DOK1: variants seen among roughly 807,000 people sequenced by gnomAD.
DOK1 encodes the protein Downstream of tyrosine kinase 1.
In DOK1, 12 loss-of-function variants were observed where a neutral mutation model predicts 24.0. The observed-to-expected ratio is 0.50, with a 90% confidence interval of 0.32 to 0.81. The LOEUF is 0.81. Among genes scored for constraint, DOK1 ranks in the 30% least tolerant of loss-of-function variants. DOK1 has a pLI of 0.03. For synonymous variants in DOK1, 250 were observed against 260.9 expected (o/e 0.96, Z 0.40); for missense variants, 591 against 620.7 (o/e 0.95, Z 0.51).
At chr2:74,554,638 C>T (rs907128302), upstream of DOK1, 3 of 983,300 alleles carry the variant, frequency 3.1e-6, no homozygotes, top group Admixed American at 5.0e-5. The surrounding 1 kb of genome is among the most constrained non-coding windows in gnomAD (Gnocchi z 4.9). Flanking sequence ...GCGACCCCCC[C>T]AGCGGCTGCC....
Position 74,556,310 on chromosome 2 carries a change from C to A in DOK1, c.642C>A (p.Val214=). The change falls in exon 5 of 5, where the codon GTC becomes GTA. Residue 214 remains valine, a splice_region_variant and synonymous_variant. Transcript: ENST00000233668. This position sits in a 1 kb window ranked among gnomAD's most constrained non-coding sequence, Gnocchi z 4.1. The part of the protein sequence containing the change: ...TLLRRYGRDK[V]MFSFEAGRRC... ...GTTTCCCCCTCTACCCTCCTTAGGT[C>A]ATGTTCTCTTTCGAGGCCGGCCGCC... 1 of 1,612,052 alleles carries A rather than the reference C, an allele frequency of 6.2e-7. No homozygotes were observed. Among genetic ancestry groups the A allele is most frequent in the South Asian group, 1.1e-5 (1 of 90,950 alleles).
chr2:74,554,027 A>C (rs1677204936), upstream of DOK1: 1 of 146,066 alleles, frequency 6.8e-6, no homozygotes, highest in East Asian at 2.0e-4. This position sits in a 1 kb window ranked among gnomAD's most constrained non-coding sequence, Gnocchi z 4.9. Flanking sequence ...CATCCCCCTG[A>C]GCCCTCCCAC....
In DOK1 at chr2:74,556,450, G is replaced by A; in HGVS notation, c.782G>A (p.Gly261Glu). The A allele has an allele frequency of 6.2e-7, 1 of 1,614,184 alleles. No individual in the cohort carries two copies. The highest frequency in any genetic ancestry group is 8.5e-7 in the Non-Finnish European group (1 of 1,180,030). ...RQKAQGKAGQ[G>E]HDVLRADSHE... Reference sequence around the variant, plus strand: ...AAGGCCCAGGGAAAGGCCGGACAGGGGCACGATGTTCTCAGAGCTGACTCC... The same window carrying A: ...AAGGCCCAGGGAAAGGCCGGACAGGAGCACGATGTTCTCAGAGCTGACTCC... Residue 261 changes from glycine (G) to glutamate (E), a missense_variant, in exon 5 of 5, where the codon GGG becomes GAG. Coordinates refer to ENST00000233668, the MANE Select transcript of DOK1 (RefSeq NM_001381.5). The surrounding 1 kb of genome is among the most constrained non-coding windows in gnomAD (Gnocchi z 4.1).
At position 74,557,037 on chromosome 2, in the gene DOK1, G is replaced by A. The variant is rs1677530028; in HGVS notation, c.1369G>A (p.Ala457Thr). 1 of 1,614,224 alleles carries A rather than the reference G, an allele frequency of 6.2e-7. No individual in the cohort carries two copies. Among genetic ancestry groups the A allele is most frequent in the Non-Finnish European group, 8.5e-7 (1 of 1,180,044 alleles). Residue 457 changes from alanine (A) to threonine (T), a missense_variant, in exon 5 of 5, where the codon GCC becomes ACC. Ala to Thr is a moderately conservative substitution (Grantham distance 58). Transcript: ENST00000233668. ...GTACAGCCAGGTCCAGAAGAGCGGG[G>A]CCTCAGGGAGCTGGGACTGTGGGCT... ...ALYSQVQKSG[A>T]SGSWDCGLSR...
At chr2:74,551,491 T>C (rs1677007272), upstream of DOK1, among the ~76,000 whole-genome samples, 1 of 152,232 alleles carries the variant, frequency 6.6e-6, no homozygotes, top group Non-Finnish European at 1.5e-5. Flanking sequence ...CGACTGTCCT[T>C]CCCATATTTA....
upstream of DOK1, chr2:74,552,509 A>G (rs1416439358): frequency 1.9e-6 from 3 of 1,613,544 alleles, no homozygotes; most frequent in Admixed American, 3.3e-5. Context: ...GCCGGAACCG[A>G]AGCCCCTGGC....
Position 74,554,761 on chromosome 2 carries a change from G to C in DOK1, c.7G>C (p.Gly3Arg), listed in dbSNP as rs368294305. The C allele has an allele frequency of 5.0e-5, 81 of 1,613,288 alleles. No individual in the cohort carries two copies. The highest frequency in any genetic ancestry group is 3.4e-4 in the Middle Eastern group (2 of 5,802). Residue 3 changes from glycine to arginine, a missense_variant, in exon 1 of 5, where the codon GGA becomes CGA. Coordinates refer to ENST00000233668, the MANE Select transcript of DOK1 (RefSeq NM_001381.5). The surrounding 1 kb of genome is among the most constrained non-coding windows in gnomAD (Gnocchi z 4.9). Reference sequence around the variant, plus strand: ...GAAGGAACCGCCGGGGGCCATGGACGGAGCAGTGATGGAAGGGCCGCTTTT... The same window carrying C: ...GAAGGAACCGCCGGGGGCCATGGACCGAGCAGTGATGGAAGGGCCGCTTTT... MD[G>R]AVMEGPLFLQ...
chr2:74,552,942 A>G, upstream of DOK1: 2 of 344,840 alleles, frequency 5.8e-6, no homozygotes, highest in Non-Finnish European at 1.1e-5. Flanking sequence ...TGAGCAAGAG[A>G]CACGTAGAGA....
upstream of DOK1, chr2:74,549,753 C>A: frequency 3.5e-6 from 5 of 1,435,372 alleles, no homozygotes; most frequent in Non-Finnish European, 3.7e-6. This position sits in a 1 kb window ranked among gnomAD's most constrained non-coding sequence, Gnocchi z 5.3. Flanking sequence ...TGTGGACTCT[C>A]TTGCAGCCAG....
chr2:74,552,217 T>C (rs1677058108), upstream of DOK1: 1 of 1,022,984 alleles, frequency 9.8e-7, no homozygotes, highest in African/African-American at 1.6e-5. Flanking sequence ...TGCTGGCTGT[T>C]CTTGGTGTCG....
chr2:74,555,841 CA>C lies in DOK1; in HGVS notation c.455-52del. On this transcript the variant is annotated intron_variant, in intron 3 of 4. Transcript: ENST00000233668. The surrounding 1 kb of genome is among the most constrained non-coding windows in gnomAD (Gnocchi z 6.1). The stretch of plus-strand genomic sequence containing the variant: ...TATGCTCATGAGTCCTCTGGGTCCC[CA>C]CTGCTGCCCCCGTCCCTCCCCCGCA... 5 of 1,582,732 alleles carry C rather than the reference CA, an allele frequency of 3.2e-6. No individual in the cohort carries two copies. The highest frequency in any genetic ancestry group is 3.4e-6 in the Non-Finnish European group (4 of 1,163,410).
rs760471979 is a variant in DOK1, at chr2:74,556,792, G to A, written c.1124G>A (p.Gly375Asp). Residue 375 changes from glycine to aspartate, a missense_variant, in exon 5 of 5, where the codon GGC becomes GAC. By Grantham distance (94) the Gly-to-Asp change is moderately conservative. Coordinates refer to ENST00000233668, the MANE Select transcript of DOK1 (RefSeq NM_001381.5). The surrounding 1 kb of genome is among the most constrained non-coding windows in gnomAD (Gnocchi z 4.1). ...PEGLAPVPPQ[G>D]LYDLPREPKD... ...GGCCTGGCCCCAGTCCCTCCCCAGGGCCTTTATGATCTGCCTCGGGAGCCC... is the reference window on the plus strand; with the variant it reads ...GGCCTGGCCCCAGTCCCTCCCCAGGACCTTTATGATCTGCCTCGGGAGCCC... 73 of 1,614,056 alleles carry A rather than the reference G, an allele frequency of 4.5e-5. No individual in the cohort carries two copies. Among genetic ancestry groups the A allele is most frequent in the Non-Finnish European group, 6.2e-5 (73 of 1,180,038 alleles).
upstream of DOK1, chr2:74,554,651 C>A: frequency 3.5e-6 from 4 of 1,152,682 alleles, no homozygotes; most frequent in Admixed American, 4.8e-5. The surrounding 1 kb of genome is among the most constrained non-coding windows in gnomAD (Gnocchi z 4.9). Flanking sequence ...CGGCTGCCGG[C>A]GGGGGCCGGG....
chr2:74,555,938 C>G lies in DOK1; in HGVS notation c.499C>G (p.Arg167Gly). Reference protein sequence around the residue: ...VTVQRTEAAERCGLHGSYVLR... With the variant: ...VTVQRTEAAEGCGLHGSYVLR... ...GGTGCAGAGGACTGAGGCCGCCGAG[C>G]GCTGTGGCCTGCATGGCTCCTACGT... Residue 167 changes from arginine to glycine, a missense_variant, in exon 4 of 5, where the codon CGC becomes GGC. By Grantham distance (125) the Arg-to-Gly change is moderately radical. Transcript: ENST00000233668. This position sits in a 1 kb window ranked among gnomAD's most constrained non-coding sequence, Gnocchi z 6.1. The G allele has an allele frequency of 1.2e-6, 2 of 1,613,038 alleles. No individual in the cohort carries two copies. The highest frequency in any genetic ancestry group is 1.7e-5 in the Admixed American group (1 of 59,912).
upstream of DOK1, chr2:74,550,368 G>C (rs200178697): frequency 1.5e-4 from 234 of 1,609,338 alleles, 1 homozygote; most frequent in Non-Finnish European, 1.8e-4. Context: ...GGGAGATGAA[G>C]GGACAGAGAA....
chr2:74,556,779 G>A lies in DOK1; in HGVS notation c.1111G>A (p.Val371Ile), dbSNP rs756735311. 1.2e-6 allele frequency: 2 copies of A among 1,614,170 alleles called. No individual in the cohort carries two copies. Among genetic ancestry groups the A allele is most frequent in the East Asian group, 4.5e-5 (2 of 44,878 alleles). Residue 371 changes from valine (V) to isoleucine (I), a missense_variant, in exon 5 of 5, where the codon GTC becomes ATC. Val to Ile is a conservative substitution (Grantham distance 29). Coordinates refer to ENST00000233668, the MANE Select transcript of DOK1 (RefSeq NM_001381.5). The surrounding 1 kb of genome is among the most constrained non-coding windows in gnomAD (Gnocchi z 4.1). ...TGATGAACCTGAGGGCCTGGCCCCA[G>A]TCCCTCCCCAGGGCCTTTATGATCT... ...IYDEPEGLAP[V>I]PPQGLYDLPR...
At position 74,556,642 on chromosome 2, in the gene DOK1, A is replaced by G. The variant is rs1558637706; in HGVS notation, c.974A>G (p.Gln325Arg). 1 of 1,614,234 alleles carries G rather than the reference A, an allele frequency of 6.2e-7. No homozygotes were observed. Among genetic ancestry groups the G allele is most frequent in the African/African-American group, 1.3e-5 (1 of 75,066 alleles). Residue 325 changes from glutamine to arginine, a missense_variant, in exon 5 of 5, where the codon CAG (glutamine) becomes CGG (arginine). By Grantham distance (43) the Gln-to-Arg change is conservative. Coordinates refer to ENST00000233668, the MANE Select transcript of DOK1 (RefSeq NM_001381.5). The surrounding 1 kb of genome is among the most constrained non-coding windows in gnomAD (Gnocchi z 4.1). The part of the protein sequence containing the change: ...YSDPLDSTSA[Q>R]AGEGVQRKKP... ...GACCCCTTGGACAGCACGTCTGCTC[A>G]GGCAGGAGAGGGAGTACAACGGAAG...
chr2:74,549,468 G>C lies in DOK1; in HGVS notation c.-358+296G>C. On this transcript the variant is annotated intron_variant, in intron 1 of 4. Coordinates refer to the DOK1 transcript ENST00000409429. The surrounding 1 kb of genome is among the most constrained non-coding windows in gnomAD (Gnocchi z 5.3). Reference sequence around the variant, plus strand: ...GCTCCAGCCTTTGTCGCACACTTGCGACCAGCCGTCAGGAAGCCTGACTTC... The same window carrying C: ...GCTCCAGCCTTTGTCGCACACTTGCCACCAGCCGTCAGGAAGCCTGACTTC... 6.2e-7 allele frequency: 1 copy of C among 1,613,126 alleles called. No homozygotes were observed. Among genetic ancestry groups the C allele is most frequent in the Non-Finnish European group, 8.5e-7 (1 of 1,179,744 alleles).
upstream of DOK1, chr2:74,550,362 G>A (rs775248465): frequency 4.3e-6 from 7 of 1,611,460 alleles, no homozygotes; most frequent in Non-Finnish European, 5.9e-6. Context: ...TGGAAGGGGA[G>A]ATGAAGGGAC....
Sources: gnomAD v4.1 joint callset for allele counts (sites outside exome capture counted in the v4.1 genomes callset) on GRCh38, gnomAD v4.1.1 for gene constraint, Gnocchi (gnomAD v3.1) non-coding constraint, MANE v1.5 for transcripts, NCBI Gene and HGNC (gene_info 2026-07-23, HGNC 2026-07-21) for gene names.